CELF2: variants seen among roughly 807,000 people sequenced by gnomAD.
CELF2 encodes the protein CUGBP Elav-like family member 2.
In CELF2, 8 loss-of-function variants were observed where a neutral mutation model predicts 62.6. That is an observed-to-expected ratio of 0.13 (90% confidence interval 0.07 to 0.23). The LOEUF (loss-of-function observed/expected upper bound fraction) is 0.23, where lower values mean the gene tolerates loss of function less well. CELF2 is among the 10% of genes least tolerant of loss of function. The pLI, the probability that CELF2 is intolerant of heterozygous loss-of-function variation, is 1.00. For missense variants in CELF2, 333 were observed against 671.0 expected (o/e 0.50, Z 5.56); for synonymous variants, 258 against 250.0 (o/e 1.03, Z -0.30).
the CELF2 span, among the ~76,000 whole-genome samples, chr10:10,777,160 A>G: frequency 6.6e-6 from 1 of 151,630 alleles, no homozygotes; most frequent in Non-Finnish European, 1.5e-5. Context: ...CTGACTTTAC[A>G]CTCTGACCAC....
chr10:11,283,963 GT>G, intron 8 of CELF2, among the ~76,000 whole-genome samples: 3 of 145,388 alleles, frequency 2.1e-5, no homozygotes, highest in African/African-American at 7.7e-5. Flanking sequence ...TGAGTGTGTG[GT>G]GGGTGGATGA....
At chr10:11,259,877 TG>T (rs1479552325) in intron 5 of CELF2, among the ~76,000 whole-genome samples, 3 of 152,266 alleles carry the variant, frequency 2.0e-5, no homozygotes, top group African/African-American at 7.2e-5. Context: ...ATCATATTTT[TG>T]TGATTCCTTT....
At chr10:11,197,027 A>AGAAGGAAGGAGAGAG (rs1406923666) in intron 2 of CELF2, among the ~76,000 whole-genome samples, 1 of 37,016 alleles carries the variant, frequency 2.7e-5, no homozygotes, top group African/African-American at 1.8e-4. Flanking sequence ...AAAGAAAGAA[A>AGAAGGAAGGAGAGAG]AGAAAGAAAG....
At chr10:10,687,819 C>T in the CELF2 span, among the ~76,000 whole-genome samples, 446 of 152,272 alleles carry the variant, frequency 2.9e-3, 2 homozygotes, top group African/African-American at 9.9e-3. Context: ...ACTCTCCTAC[C>T]CACTGTCAAT....
At chr10:10,914,094 G>T (rs2064100371) in intron 1 of CELF2, among the ~76,000 whole-genome samples, 1 of 150,594 alleles carries the variant, frequency 6.6e-6, no homozygotes, top group Admixed American at 6.7e-5. Flanking sequence ...TCATTTTTAG[G>T]ACAGGCAATA....
intron 1 of CELF2, among the ~76,000 whole-genome samples, chr10:10,850,520 G>C (rs904585274): frequency 6.6e-5 from 10 of 152,180 alleles, no homozygotes; most frequent in African/African-American, 2.4e-4. Context: ...AAAGAATCTG[G>C]AAATGCAAGT....
At chr10:10,754,450 C>A in the CELF2 span, among the ~76,000 whole-genome samples, 1 of 152,074 alleles carries the variant, frequency 6.6e-6, no homozygotes, top group African/African-American at 2.4e-5. Flanking sequence ...ACACGCTAAC[C>A]AAACAGAAGC....
At chr10:10,735,274 A>C in the CELF2 span, among the ~76,000 whole-genome samples, 1 of 152,236 alleles carries the variant, frequency 6.6e-6, no homozygotes, top group African/African-American at 2.4e-5. Flanking sequence ...TTCAGAATTT[A>C]ACTTTACAGT....
At chr10:10,887,864 C>T (rs956445874) in intron 1 of CELF2, among the ~76,000 whole-genome samples, 12 of 151,958 alleles carry the variant, frequency 7.9e-5, no homozygotes, top group African/African-American at 2.7e-4. Flanking sequence ...CTCCACCTCC[C>T]AAGTTCAAGC....
the CELF2 span, among the ~76,000 whole-genome samples, chr10:10,606,928 C>T: frequency 6.6e-6 from 1 of 151,934 alleles, no homozygotes; most frequent in East Asian, 1.9e-4. Context: ...CCCTGTGTAC[C>T]CTGGGGTAAG....
chr10:10,975,057 G>T (rs11256941), intron 2 of CELF2, among the ~76,000 whole-genome samples: 18,996 of 152,264 alleles, frequency 0.12, 1,268 homozygotes, highest in Middle Eastern at 0.24. Flanking sequence ...ACAGGTTTTA[G>T]ATTTGGATAG....
chr10:10,982,906 GT>G (rs60869262), intron 2 of CELF2, among the ~76,000 whole-genome samples: 27,192 of 141,322 alleles, frequency 0.19, 3,880 homozygotes, highest in East Asian at 0.66. Context: ...TCTGGTGTGT[GT>G]TTTTTTTTTT....
At chr10:10,528,086 C>T in the CELF2 span, among the ~76,000 whole-genome samples, 1 of 152,176 alleles carries the variant, frequency 6.6e-6, no homozygotes, top group Non-Finnish European at 1.5e-5. Context: ...ACATTCTTAA[C>T]CAAACCAGCT....
In CELF2 at chr10:11,007,616, G is replaced by A. The variant is rs575986176; in HGVS notation, c.53+2176G>A. Among the ~76,000 whole-genome samples the A allele has an allele frequency of 8.1e-4, 123 of 152,262 alleles. 2 individuals carry two copies. Among genetic ancestry groups the A allele is most frequent in the Non-Finnish European group, 1.5e-3 (104 of 68,010 alleles). ...TGGGATCGGAACTGCTCATTCCATC[G>A]TATACCAATAACTGCTTTCAAGATG... On this transcript the variant is annotated intron_variant, in intron 1 of 12. Transcript: ENST00000416382.
At chr10:10,733,008 G>A in the CELF2 span, among the ~76,000 whole-genome samples, 1 of 152,176 alleles carries the variant, frequency 6.6e-6, no homozygotes. Flanking sequence ...CAAGCAGTGA[G>A]GAATGGGCTT....
intron 1 of CELF2, among the ~76,000 whole-genome samples, chr10:11,121,498 A>C (rs1261477958): frequency 1.3e-5 from 2 of 152,048 alleles, no homozygotes; most frequent in Non-Finnish European, 2.9e-5. Flanking sequence ...TTCCCTTAAC[A>C]ATTATTTGAG....
At chr10:10,547,799 G>T in the CELF2 span, among the ~76,000 whole-genome samples, 1 of 150,814 alleles carries the variant, frequency 6.6e-6, no homozygotes, top group East Asian at 2.0e-4. Flanking sequence ...TAAAAGTATC[G>T]GGCTGGTTTT....
intron 9 of CELF2, among the ~76,000 whole-genome samples, chr10:11,291,671 C>A (rs2092544781): frequency 6.6e-6 from 1 of 151,896 alleles, no homozygotes; most frequent in South Asian, 2.1e-4. Flanking sequence ...CTGTGTTTAC[C>A]CCAGTCTCCT....
At chr10:11,134,053 G>A (rs1338473791) in intron 1 of CELF2, among the ~76,000 whole-genome samples, 2 of 152,180 alleles carry the variant, frequency 1.3e-5, no homozygotes, top group African/African-American at 4.8e-5. Flanking sequence ...GACTGTAAAT[G>A]ACTAGCATAG....
Sources: allele counts gnomAD v4.1 joint callset (sites outside exome capture counted in the v4.1 genomes callset), GRCh38; gene constraint gnomAD v4.1.1; transcripts MANE v1.5; gene names NCBI Gene and HGNC (gene_info 2026-07-23, HGNC 2026-07-21).